The following RSPH3 variants were observed in gnomAD, a reference collection of about 807,000 sequenced individuals.
The protein encoded by RSPH3 is radial spoke head protein 3 homolog.
Under a neutral mutation model 43.8 loss-of-function variants are expected in RSPH3, and 21 were observed. That is an observed-to-expected ratio of 0.48 (90% CI 0.34 to 0.69). RSPH3 has a LOEUF of 0.69. Ranked by LOEUF, RSPH3 falls within the 30% of genes least tolerant of loss-of-function variation. RSPH3 has a pLI of 0.01. For synonymous variants in RSPH3, 173 were observed against 179.8 expected, an observed-to-expected ratio of 0.96 and a Z score of 0.30; for missense variants, 487 against 516.0, an observed-to-expected ratio of 0.94 and a Z score of 0.54.
At chr6:158,965,860 TTC>T in the RSPH3 span, among the ~76,000 whole-genome samples, 1 of 152,120 alleles carries the variant, frequency 6.6e-6, no homozygotes, top group Non-Finnish European at 1.5e-5. Flanking sequence ...CATTCAATCT[TTC>T]ACCGTTAAGT....
rs527680480 is a variant in RSPH3 at position 158,989,787 on chromosome 6, G to A, written c.205-3366C>T. 1.3e-5 allele frequency among the ~76,000 whole-genome samples: 2 copies of A among 152,182 alleles called. No homozygotes were observed. Among genetic ancestry groups the A allele is most frequent in the Non-Finnish European group, 2.9e-5 (2 of 68,008 alleles). On this transcript the variant is annotated intron_variant, in intron 2 of 7. Coordinates refer to ENST00000367069, the MANE Select transcript of RSPH3 (RefSeq NM_031924.8). This position sits in a 1 kb window ranked among gnomAD's most constrained non-coding sequence, Gnocchi z 4.3. ...TCCAGTGCAGAAATCACAAGTCAGA[G>A]ATAAATCCTTGCGATGGTTAATACT...
At chr6:158,995,529 C>T (rs1298427516) in intron 1 of RSPH3, among the ~76,000 whole-genome samples, 1 of 152,076 alleles carries the variant, frequency 6.6e-6, no homozygotes, top group Non-Finnish European at 1.5e-5. Flanking sequence ...GTGATTCTGA[C>T]CTTTGCTTCT....
rs1778826497 is a variant in RSPH3, at chr6:159,000,187, T to G, written c.-637A>C. On this transcript the variant is annotated 5_prime_UTR_variant, in exon 1 of 8. Transcript: ENST00000367069. ...CAGCCAGGCTCCCAGCTCTGTTACG[T>G]GCCCGGGCGGGGAAGAGCTTCCTGG... is the stretch of plus-strand genomic sequence containing the variant. The G allele has an allele frequency of 7.4e-6, 4 of 540,690 alleles. No individual in the cohort carries two copies. The South Asian group carries it at 1.1e-4, about 14-fold the overall frequency. The allele number at this position is 540,690 out of a possible 1,614,324, so 33.5% of individuals were successfully genotyped here.
Position 158,989,108 on chromosome 6 carries a change from G to A in RSPH3, c.205-2687C>T, listed in dbSNP as rs1778325117. Among the ~76,000 whole-genome samples the A allele has an allele frequency of 8.3e-6, 1 of 120,790 alleles. No individual in the cohort carries two copies. Among genetic ancestry groups the A allele is most frequent in the Non-Finnish European group, 1.7e-5 (1 of 58,082 alleles). 79.2% of individuals were successfully genotyped at this position (120,790 alleles called of 152,430 possible). The stretch of plus-strand genomic sequence containing the variant: ...GTCACCCTGGCTGGAGTGCAGTGGT[G>A]TGATCTTGGCTCACTGCAACCTCTG... On this transcript the variant is annotated intron_variant, in intron 2 of 7. Transcript: ENST00000367069. This position sits in a 1 kb window ranked among gnomAD's most constrained non-coding sequence, Gnocchi z 4.3.
At chr6:158,970,371 T>A (rs1777681950), downstream of RSPH3, among the ~76,000 whole-genome samples, 1 of 152,224 alleles carries the variant, frequency 6.6e-6, no homozygotes, top group South Asian at 2.1e-4. Flanking sequence ...GTGTTGGGCA[T>A]GCCTTTACTA....
In RSPH3 at chr6:158,993,876, A is replaced by G; in HGVS notation, c.167T>C (p.Ile56Thr). 1.2e-6 allele frequency: 2 copies of G among 1,612,322 alleles called. No individual in the cohort carries two copies. The highest frequency in any genetic ancestry group is 1.1e-5 in the South Asian group (1 of 91,004). The change falls in exon 2 of 8, where the codon ATT becomes ACT. Residue 56 changes from isoleucine to threonine, a missense_variant. Transcript: ENST00000367069. ...YGNIMYDRRV[I>T]RGNTYALQTG... ...CTGGAGTGCATAAGTGTTACCTCGAATTACCCTTCTGTCATACATTATGTT... is the reference window on the plus strand; with the variant it reads ...CTGGAGTGCATAAGTGTTACCTCGAGTTACCCTTCTGTCATACATTATGTT...
At chr6:158,982,347 A>G in intron 5 of RSPH3, 138 bp downstream of exon 5, 2 of 583,538 alleles carry the variant, frequency 3.4e-6, no homozygotes, top group Non-Finnish European at 5.8e-6. Context: ...GAGAGACTTG[A>G]GCAAAAATAC....
Position 158,999,758 on chromosome 6 carries a change from G to C in RSPH3, c.-208C>G. The C allele has an allele frequency of 6.2e-7, 1 of 1,611,296 alleles. No homozygotes were observed. Among genetic ancestry groups the C allele is most frequent in the African/African-American group, 1.3e-5 (1 of 75,026 alleles). ...TACTGGGCTCGCTCCCAGCACCACA[G>C]AGACCAGCTGCGGGGGCCGCATCGG... On this transcript the variant is annotated 5_prime_UTR_variant, in exon 1 of 8. Transcript: ENST00000367069.
chr6:158,976,861 G>A lies in RSPH3; in HGVS notation c.*677C>T, dbSNP rs562287839. ...GACGGAGTTTTGCTCTTGTTGCCCA[G>A]GCTGGAGTGCAATGGTGCAAACTTG... On this transcript the variant is annotated 3_prime_UTR_variant, in exon 8 of 8. Transcript: ENST00000367069. 40 of 152,552 alleles carry A rather than the reference G, an allele frequency of 2.6e-4. No individual in the cohort carries two copies. Among genetic ancestry groups the A allele is most frequent in the African/African-American group, 8.9e-4 (37 of 41,368 alleles). 9.4% of individuals were successfully genotyped at this position (152,552 alleles called of 1,614,324 possible).
Position 158,999,434 on chromosome 6 carries a change from C to A in RSPH3, c.116+1G>T, listed in dbSNP as rs1778772894. On this transcript the variant is annotated splice_donor_variant, in intron 1 of 7. Coordinates refer to ENST00000367069, the MANE Select transcript of RSPH3 (RefSeq NM_031924.8). LOFTEE classifies it high-confidence loss of function. Reference sequence around the variant, plus strand: ...ACACAGGGGCTGGCTTGGTCACTCACGGCTGCGTCAGGCTGTCCCGGTAAC... The same window carrying A: ...ACACAGGGGCTGGCTTGGTCACTCAAGGCTGCGTCAGGCTGTCCCGGTAAC... 1 of 1,503,288 alleles carries A rather than the reference C, an allele frequency of 6.7e-7. No individual in the cohort carries two copies. Among genetic ancestry groups the A allele is most frequent in the African/African-American group, 1.4e-5 (1 of 71,658 alleles). 93.1% of individuals were successfully genotyped at this position (1,503,288 alleles called of 1,614,324 possible).
intron 1 of RSPH3, among the ~76,000 whole-genome samples, chr6:158,997,555 A>G (rs1778636501): frequency 6.6e-6 from 1 of 152,178 alleles, no homozygotes. Flanking sequence ...GATATCAATG[A>G]TTATGATTTG....
Position 158,982,496 on chromosome 6 carries a change from G to T in RSPH3, c.685C>A (p.Arg229=), listed in dbSNP as rs1158185476. The part of the protein sequence containing the change: ...QRLEEQERRH[R]EEKERRKKQQ... ...ATAATTATATATACTTTTTCTTCTC[G>T]GTGTCGCCTCTCTTGCTCTTCAAGT... Residue 229 remains arginine (R), a synonymous_variant, in exon 5 of 8, where the codon CGA becomes AGA. Transcript: ENST00000367069. 3 of 1,601,826 alleles carry T rather than the reference G, an allele frequency of 1.9e-6. No individual in the cohort carries two copies. In the African/African-American group the frequency reaches 4.0e-5, roughly 22 times the overall value.
Position 158,989,541 on chromosome 6 carries a change from T to C in RSPH3, c.205-3120A>G, listed in dbSNP as rs953330646. On this transcript the variant is annotated intron_variant, in intron 2 of 7. Transcript: ENST00000367069. The surrounding 1 kb of genome is among the most constrained non-coding windows in gnomAD (Gnocchi z 4.3). ...ACCGGTACAATGTTATCTCCTACAA[T>C]GTGGTGCTGCTGAACAGCCACTCTG... Among the ~76,000 whole-genome samples, 4 of 152,182 alleles carry C rather than the reference T, an allele frequency of 2.6e-5. No homozygotes were observed. Among genetic ancestry groups the C allele is most frequent in the African/African-American group, 9.7e-5 (4 of 41,434 alleles).
intron 3 of RSPH3, among the ~76,000 whole-genome samples, chr6:158,984,611 A>C (rs976964414): frequency 6.6e-6 from 1 of 151,554 alleles, no homozygotes; most frequent in African/African-American, 2.4e-5. Context: ...AACAAATTTC[A>C]TGTTAGGAGT....
At position 158,992,872 on chromosome 6, in the gene RSPH3, A is replaced by C. The variant is rs1206884313; in HGVS notation, c.204+967T>G. Among the ~76,000 whole-genome samples, 5 of 152,204 alleles carry C rather than the reference A, an allele frequency of 3.3e-5. No homozygotes were observed. In the East Asian group the frequency reaches 9.6e-4, roughly 29 times the overall value. On this transcript the variant is annotated intron_variant, in intron 2 of 7. Coordinates refer to ENST00000367069, the MANE Select transcript of RSPH3 (RefSeq NM_031924.8). ...TACCCAGAACAGGACCTAAAACTCA[A>C]TAAATATTTGTTGAGTGAATTAAAG...
chr6:158,965,818 T>C, the RSPH3 span, among the ~76,000 whole-genome samples: 1 of 152,160 alleles, frequency 6.6e-6, no homozygotes, highest in Non-Finnish European at 1.5e-5. Flanking sequence ...AGATAAGGTG[T>C]CTTTGGCTAA....
intron 5 of RSPH3, among the ~76,000 whole-genome samples, chr6:158,981,564 TA>T (rs76703273): frequency 0.11 from 17,227 of 152,224 alleles, 1,703 homozygotes; most frequent in East Asian, 0.42. Flanking sequence ...AATAAACAAA[TA>T]TTTTTTGATA....
chr6:158,974,101 G>A lies in RSPH3; in HGVS notation c.*3437C>T, dbSNP rs749187134. The A allele has an allele frequency of 1.3e-5, 2 of 152,088 alleles. No individual in the cohort carries two copies. Among genetic ancestry groups the A allele is most frequent in the East Asian group, 1.9e-4 (1 of 5,200 alleles). 9.4% of individuals were successfully genotyped at this position (152,088 alleles called of 1,614,324 possible). ...ATTATAGGCGTAAGCCACCACACCC[G>A]GCCAGGAATGACAATTTCAATATAT... On this transcript the variant is annotated 3_prime_UTR_variant, in exon 8 of 8. Coordinates refer to ENST00000367069, the MANE Select transcript of RSPH3 (RefSeq NM_031924.8).
At chr6:158,993,262 C>T (rs781373125) in intron 2 of RSPH3, among the ~76,000 whole-genome samples, 17 of 151,856 alleles carry the variant, frequency 1.1e-4, no homozygotes, top group Non-Finnish European at 1.6e-4. Context: ...GGACTACAGG[C>T]GAGCGCCACC....
Sources: allele counts gnomAD v4.1 joint callset (sites outside exome capture counted in the v4.1 genomes callset), GRCh38; gene constraint gnomAD v4.1.1; non-coding constraint Gnocchi (gnomAD v3.1); transcripts MANE v1.5; gene names NCBI Gene and HGNC (gene_info 2026-07-23, HGNC 2026-07-21).